Variants in GIPR observed in about 807,000 individuals in gnomAD.
GIPR encodes GIP-R.
Under a neutral mutation model 62.2 loss-of-function variants are expected in GIPR, and 74 were observed. That is an observed-to-expected ratio of 1.19 (90% CI 0.99 to 1.44). The LOEUF (loss-of-function observed/expected upper bound fraction) is 1.44. Ranked by LOEUF, GIPR falls within the 40% of genes most tolerant of loss-of-function variation. The probability of loss-of-function intolerance (pLI) is 0.00; values close to 1 mark genes in which losing one functional copy is unlikely to be tolerated. For missense variants in GIPR, 664 were observed against 611.8 expected (o/e 1.09, Z -0.90); for synonymous variants, 256 against 262.2 (o/e 0.98, Z 0.23).
chr19:45,674,499 G>T, intron 6 of GIPR, 183 bp from the exon 7 acceptor site: 3 of 659,758 alleles, frequency 4.5e-6, no homozygotes, highest in Non-Finnish European at 8.1e-6. Flanking sequence ...CCAGCTATAG[G>T]GGGGCGCTGA....
chr19:45,678,201 T>G lies in GIPR; in HGVS notation c.1127T>G (p.Phe376Cys). 1 of 1,578,888 alleles carries G rather than the reference T, an allele frequency of 6.3e-7. No individual in the cohort carries two copies. The highest frequency in any genetic ancestry group is 8.6e-7 in the Non-Finnish European group (1 of 1,162,922). ...GCCCTGCGCTTCGCCAAGCTCGGCT[T>G]TGAGATCTTCCTCAGCTCCTTCCAG... ...RGALRFAKLG[F>C]EIFLSSFQGF... The change falls in exon 12 of 14, where the codon TTT (phenylalanine) becomes TGT (cysteine). Residue 376 changes from phenylalanine (F) to cysteine (C), a missense_variant. Transcript: ENST00000590918.
Position 45,676,930 on chromosome 19 carries a change from C to G in GIPR, c.634-19C>G. 2.5e-6 allele frequency: 4 copies of G among 1,612,726 alleles called. No homozygotes were observed. The highest frequency in any genetic ancestry group is 2.5e-6 in the Non-Finnish European group (3 of 1,179,482). On this transcript the variant is annotated intron_variant, in intron 7 of 13. Coordinates refer to ENST00000590918, the MANE Select transcript of GIPR (RefSeq NM_000164.4). ...CGGGCAGCGCTGACTACCCCTCTAC[C>G]GGTCTGGCCCCTCCCTAGGCCCTCG...
At position 45,677,039 on chromosome 19, in the gene GIPR, C is replaced by A. The variant is rs1966973819; in HGVS notation, c.724C>A (p.His242Asn). ...GCTGCTGGTGGAGGGCGTCTACCTG[C>A]ACAGTCTCCTGGTGCTCGTGGGAGG... The part of the protein sequence containing the change: ...TWLLVEGVYL[H>N]SLLVLVGGSE... Residue 242 changes from histidine to asparagine, a missense_variant, in exon 8 of 14, where the codon CAC becomes AAC. Coordinates refer to ENST00000590918, the MANE Select transcript of GIPR (RefSeq NM_000164.4). 2 of 1,613,890 alleles carry A rather than the reference C, an allele frequency of 1.2e-6. No individual in the cohort carries two copies. The highest frequency in any genetic ancestry group is 2.7e-5 in the African/African-American group (2 of 74,926).
At chr19:45,669,817 C>T (rs1975443433) in intron 2 of GIPR, among the ~76,000 whole-genome samples, 1 of 151,588 alleles carries the variant, frequency 6.6e-6, no homozygotes, top group Non-Finnish European at 1.5e-5. Context: ...GGCGTGGTGG[C>T]GGCCGCCTGT....
At chr19:45,668,666 G>A (rs1268094160) in intron 1 of GIPR, among the ~76,000 whole-genome samples, 1 of 152,086 alleles carries the variant, frequency 6.6e-6, no homozygotes, top group Non-Finnish European at 1.5e-5. Flanking sequence ...CTGTGACGCC[G>A]TTGTCTGTCC....
intron 4 of GIPR, 137 bp from the exon 5 acceptor site, chr19:45,672,714 G>C (rs1600292002): frequency 4.3e-6 from 3 of 693,552 alleles, no homozygotes; most frequent in East Asian, 2.8e-5. Flanking sequence ...GCCATATAAG[G>C]GTTTATCATC....
At chr19:45,677,604 T>C (rs778641651) in intron 9 of GIPR, 106 bp from the exon 10 acceptor site, 4 of 941,022 alleles carry the variant, frequency 4.3e-6, no homozygotes, top group African/African-American at 1.6e-5. Flanking sequence ...CCTTAGAGAA[T>C]GTGTGTGGTC....
At chr19:45,670,605 G>C (rs544957328) in intron 2 of GIPR, 30 bp from the exon 3 acceptor site, 1 of 1,506,226 alleles carries the variant, frequency 6.6e-7, no homozygotes, top group Non-Finnish European at 9.2e-7. Flanking sequence ...GGGTCGGTCT[G>C]GGGGGGTCCT....
At chr19:45,670,958 A>G (rs1478925352) in intron 3 of GIPR, among the ~76,000 whole-genome samples, 2 of 150,138 alleles carry the variant, frequency 1.3e-5, no homozygotes, top group Non-Finnish European at 3.0e-5. Flanking sequence ...GGGCCTGCAC[A>G]GAAATAAACC....
In GIPR at chr19:45,683,445, A is replaced by G. The variant is rs1352198969; in HGVS notation, c.*1510A>G. On this transcript the variant is annotated 3_prime_UTR_variant, in exon 14 of 14. Coordinates refer to ENST00000590918, the MANE Select transcript of GIPR (RefSeq NM_000164.4). ...CCTGGGAGAATGAGGGGGCATGCTG[A>G]CAGTCTCATTGTGGCTGGACCACCT... 6.6e-6 allele frequency: 1 copy of G among 152,224 alleles called. No individual in the cohort carries two copies. The highest frequency in any genetic ancestry group is 2.4e-5 in the African/African-American group (1 of 41,426). 9.4% of individuals were successfully genotyped at this position (152,224 alleles called of 1,614,324 possible).
chr19:45,673,103 G>A lies in GIPR; in HGVS notation c.384+149G>A, dbSNP rs1975629452. ...CTCAGACTTGCTTCAAAGAGAGAAAGATGTACTGCCTTCTGTGATGGAAAA... is the reference window on the plus strand; with the variant it reads ...CTCAGACTTGCTTCAAAGAGAGAAAAATGTACTGCCTTCTGTGATGGAAAA... On this transcript the variant is annotated intron_variant, in intron 5 of 13. Coordinates refer to ENST00000590918, the MANE Select transcript of GIPR (RefSeq NM_000164.4). The A allele has an allele frequency of 6.1e-6, 4 of 660,002 alleles. No homozygotes were observed. The Admixed American group carries it at 9.5e-5, about 16-fold the overall frequency. The allele number at this position is 660,002 out of a possible 1,614,324, so 40.9% of individuals were successfully genotyped here.
At position 45,671,221 on chromosome 19, in the gene GIPR, C is replaced by G. The variant is rs188215792; in HGVS notation, c.173-64C>G. The G allele has an allele frequency of 6.8e-5, 62 of 911,276 alleles. No individual in the cohort carries two copies. The African/African-American group carries it at 7.8e-4, about 11-fold the overall frequency. The allele number at this position is 911,276 out of a possible 1,614,324, so 56.4% of individuals were successfully genotyped here. A position where few individuals can be genotyped will look rare whatever the true frequency, so the allele number is the denominator to read the frequency against. ...GCGGAGAAGCACTTGGCCCACTGCG[C>G]AGTAGCACTTGGCCCACTGCGCAGT... is the stretch of plus-strand genomic sequence containing the variant. On this transcript the variant is annotated intron_variant, in intron 3 of 13. Coordinates refer to ENST00000590918, the MANE Select transcript of GIPR (RefSeq NM_000164.4).
rs1223041762 is a variant in GIPR, at chr19:45,682,038, GA to G, written c.*109del. On this transcript the variant is annotated 3_prime_UTR_variant, in exon 14 of 14. Transcript: ENST00000590918. ...CGCTGGGGAAATGGTGAAGGAAACA[GA>G]AAAAAGGTCCCTGCCCTTCTGGAGA... 7.0e-6 allele frequency: 7 copies of G among 1,005,782 alleles called. No individual in the cohort carries two copies. Among genetic ancestry groups the G allele is most frequent in the Non-Finnish European group, 1.1e-5 (7 of 660,340 alleles). The allele number at this position is 1,005,782 out of a possible 1,614,324, so 62.3% of individuals were successfully genotyped here. A position where few individuals can be genotyped will look rare whatever the true frequency, so the allele number is the denominator to read the frequency against.
intron 7 of GIPR, chr19:45,675,055 G>T (rs762840753): frequency 1.8e-6 from 1 of 560,344 alleles, no homozygotes; most frequent in South Asian, 2.1e-5. Flanking sequence ...TCCCATACTG[G>T]AATTTTCCGT....
rs1254238499 is a variant in GIPR, at chr19:45,682,002, A to T, written c.*67A>T. ...TGAGTGCCAACTGCGTGCCAGGCCC[A>T]GTACGGAGGACGCTGGGGAAATGGT... On this transcript the variant is annotated 3_prime_UTR_variant, in exon 14 of 14. Transcript: ENST00000590918. 2.3e-6 allele frequency: 3 copies of T among 1,312,000 alleles called. No homozygotes were observed. Among genetic ancestry groups the T allele is most frequent in the Non-Finnish European group, 3.2e-6 (3 of 930,548 alleles). The allele number at this position is 1,312,000 out of a possible 1,614,324, so 81.3% of individuals were successfully genotyped here. A position where few individuals can be genotyped will look rare whatever the true frequency, so the allele number is the denominator to read the frequency against.
chr19:45,678,320 T>G, intron 12 of GIPR, 94 bp downstream of exon 12: 1 of 1,340,604 alleles, frequency 7.5e-7, no homozygotes, highest in Non-Finnish European at 1.0e-6. Context: ...GTGCAGCCAC[T>G]GAATGGGGTG....
chr19:45,669,394 C>G, intron 1 of GIPR, 83 bp from the exon 2 acceptor site: 1 of 1,361,918 alleles, frequency 7.3e-7, no homozygotes, highest in African/African-American at 1.4e-5. Context: ...CCGTCTGCCC[C>G]TGTGTGTGAA....
chr19:45,674,050 C>G, intron 5 of GIPR, 24 bp from the exon 6 acceptor site: 2 of 1,433,768 alleles, frequency 1.4e-6, no homozygotes. Flanking sequence ...AGCCTTGTTC[C>G]CTTCCCCTTC....
At chr19:45,675,751 G>A (rs754478781) in intron 7 of GIPR, among the ~76,000 whole-genome samples, 1 of 151,880 alleles carries the variant, frequency 6.6e-6, no homozygotes. Flanking sequence ...AGCCAGGCAT[G>A]GCGGCCCTCG....
Sources: gnomAD v4.1 joint callset for allele counts (sites outside exome capture counted in the v4.1 genomes callset) on GRCh38, gnomAD v4.1.1 for gene constraint, MANE v1.5 for transcripts, NCBI Gene and HGNC (gene_info 2026-07-23, HGNC 2026-07-21) for gene names.